SLC49A4: variants seen among roughly 807,000 people sequenced by gnomAD.
SLC49A4 encodes the protein solute carrier family 49 member 4.
Under a neutral mutation model 50.6 loss-of-function variants are expected in SLC49A4, and 36 were observed. The observed-to-expected ratio is 0.71, with a 90% confidence interval of 0.55 to 0.94. The LOEUF (loss-of-function observed/expected upper bound fraction) is 0.94. Among genes scored for constraint, SLC49A4 ranks in the 40% least tolerant of loss-of-function variants. SLC49A4 has a pLI of 0.00. For missense variants in SLC49A4, 503 were observed against 605.7 expected (o/e 0.83, Z 1.78); for synonymous variants, 248 against 241.2 (o/e 1.03, Z -0.26).
intron 5 of SLC49A4, among the ~76,000 whole-genome samples, chr3:122,848,799 T>C (rs1186108380): frequency 6.6e-6 from 1 of 152,198 alleles, no homozygotes; most frequent in East Asian, 1.9e-4. Flanking sequence ...AAACATTTAT[T>C]TTTTCTTTGT....
At chr3:122,798,936 T>G (rs1936091635) in intron 1 of SLC49A4, among the ~76,000 whole-genome samples, 1 of 152,082 alleles carries the variant, frequency 6.6e-6, no homozygotes, top group African/African-American at 2.4e-5. Context: ...TTGTGCTGCC[T>G]CACGCCCCAG....
Position 122,879,250 on chromosome 3 carries a change from T to C in SLC49A4, c.1322-13T>C. 1.9e-6 allele frequency: 3 copies of C among 1,600,906 alleles called. No individual in the cohort carries two copies. The highest frequency in any genetic ancestry group is 2.6e-6 in the Non-Finnish European group (3 of 1,168,154). Reference sequence around the variant, plus strand: ...CATGAATGTTTAAAACTGCATGTTTTTTTGTCTTACAGAGTTGTCTTGGTT... The same window carrying C: ...CATGAATGTTTAAAACTGCATGTTTCTTTGTCTTACAGAGTTGTCTTGGTT... On this transcript the variant is annotated splice_polypyrimidine_tract_variant and intron_variant, in intron 8 of 8. Coordinates refer to ENST00000261038, the MANE Select transcript of SLC49A4 (RefSeq NM_032839.3).
chr3:122,858,120 A>G (rs887217559), intron 6 of SLC49A4, among the ~76,000 whole-genome samples: 1 of 152,190 alleles, frequency 6.6e-6, no homozygotes, highest in Non-Finnish European at 1.5e-5. Flanking sequence ...GACATACATG[A>G]GTGCTTTGGG....
intron 2 of SLC49A4, among the ~76,000 whole-genome samples, chr3:122,818,127 T>G (rs1412944974): frequency 6.6e-6 from 1 of 152,206 alleles, no homozygotes; most frequent in African/African-American, 2.4e-5. Context: ...AGCAAATAAG[T>G]TGTTGGAAAC....
rs115758232 is a variant in SLC49A4, at chr3:122,826,738, C to A, written c.438-62C>A. 2,452 of 1,560,072 alleles carry A rather than the reference C, an allele frequency of 1.6e-3. 29 individuals carry two copies. The African/African-American group carries it at 0.028, about 18-fold the overall frequency. ...TTAAAAACTGCTGTTTGGCTCATTT[C>A]TTTTTGTCTTAGAAAATGCCTGTTT... On this transcript the variant is annotated intron_variant, in intron 2 of 8. Coordinates refer to ENST00000261038, the MANE Select transcript of SLC49A4 (RefSeq NM_032839.3).
intron 7 of SLC49A4, 39 bp from the exon 8 acceptor site, chr3:122,872,376 C>A: frequency 1.3e-6 from 2 of 1,531,278 alleles, no homozygotes; most frequent in South Asian, 1.2e-5. Context: ...GACTCACTGC[C>A]GCTAGTGTGA....
At chr3:122,800,656 A>C (rs1223338554) in intron 1 of SLC49A4, among the ~76,000 whole-genome samples, 10 of 152,230 alleles carry the variant, frequency 6.6e-5, no homozygotes, top group Non-Finnish European at 1.5e-5. Context: ...CCTCCAGGGC[A>C]CAGGTAGACA....
chr3:122,801,482 C>T (rs574661249), intron 1 of SLC49A4, among the ~76,000 whole-genome samples: 112 of 152,270 alleles, frequency 7.4e-4, no homozygotes, highest in African/African-American at 2.6e-3. Context: ...ATCCCAGCTA[C>T]TCGGGAGGCT....
At position 122,852,863 on chromosome 3, in the gene SLC49A4, G is replaced by A. The variant is rs115007863; in HGVS notation, c.943-3444G>A. Among the ~76,000 whole-genome samples the A allele has an allele frequency of 4.8e-3, 735 of 152,072 alleles. 8 individuals carry two copies. The East Asian group carries it at 0.049, about 10-fold the overall frequency. ...TAAAGGAAAATTGTCTCCAAATACC[G>A]TGCTTATCTCTTCAGATTATCTTCC... On this transcript the variant is annotated intron_variant, in intron 5 of 8. Coordinates refer to ENST00000261038, the MANE Select transcript of SLC49A4 (RefSeq NM_032839.3).
At chr3:122,815,401 T>A (rs1347102615) in intron 2 of SLC49A4, among the ~76,000 whole-genome samples, 1 of 152,180 alleles carries the variant, frequency 6.6e-6, no homozygotes, top group African/African-American at 2.4e-5. Context: ...TTTGTGTCAT[T>A]TCTAGCCATA....
intron 1 of SLC49A4, among the ~76,000 whole-genome samples, chr3:122,797,651 GTTA>G (rs1194370568): frequency 6.6e-6 from 1 of 152,150 alleles, no homozygotes; most frequent in Non-Finnish European, 1.5e-5. Context: ...TTTTCTTTGG[GTTA>G]TTGTTGTTTG....
chr3:122,825,384 C>T (rs146548054), intron 2 of SLC49A4, among the ~76,000 whole-genome samples: 10 of 152,022 alleles, frequency 6.6e-5, no homozygotes, highest in South Asian at 4.2e-4. Context: ...AAAATAATTC[C>T]CCTTACACAG....
chr3:122,795,248 T>A lies in SLC49A4; in HGVS notation c.56T>A (p.Leu19His). The A allele has an allele frequency of 7.4e-7, 1 of 1,347,446 alleles. No individual in the cohort carries two copies. Among genetic ancestry groups the A allele is most frequent in the Non-Finnish European group, 9.4e-7 (1 of 1,059,026 alleles). 83.5% of individuals were successfully genotyped at this position (1,347,446 alleles called of 1,614,324 possible). ...EERQPLLGPG[L>H]GPGLGASWRS... is the part of the protein sequence containing the mutation. ...AGGCAGCCGCTGCTGGGGCCCGGGC[T>A]CGGGCCTGGGCTGGGGGCCTCCTGG... Residue 19 changes from leucine to histidine, a missense_variant, in exon 1 of 9, where the codon CTC becomes CAC. Coordinates refer to ENST00000261038, the MANE Select transcript of SLC49A4 (RefSeq NM_032839.3).
intron 7 of SLC49A4, among the ~76,000 whole-genome samples, chr3:122,865,171 AAGT>A (rs371604166): frequency 1.8e-4 from 28 of 152,342 alleles, no homozygotes; most frequent in Non-Finnish European, 3.2e-4. Context: ...AAGGAAGAAA[AAGT>A]AGAATATGGA....
rs1017851462 is a variant in SLC49A4 at position 122,810,451 on chromosome 3, G to C, written c.437+3501G>C. The stretch of plus-strand genomic sequence containing the variant: ...TTGCAATGAGCGCTATTACTCTATA[G>C]TGTGAAATATTATTATATTGCTTTC... On this transcript the variant is annotated intron_variant, in intron 2 of 8. Coordinates refer to ENST00000261038, the MANE Select transcript of SLC49A4 (RefSeq NM_032839.3). 2.0e-5 allele frequency among the ~76,000 whole-genome samples: 3 copies of C among 152,152 alleles called. No homozygotes were observed. The East Asian group carries it at 5.8e-4, about 29-fold the overall frequency.
In SLC49A4 at chr3:122,833,427, A is replaced by G. The variant is rs1936634636; in HGVS notation, c.814A>G (p.Ser272Gly). 3.1e-6 allele frequency: 5 copies of G among 1,613,388 alleles called. No homozygotes were observed. The African/African-American group carries it at 4.0e-5, about 13-fold the overall frequency. ...AASQRLSYRR[S>G]VCRLLSNFRF... ...TAGCCAGCGGCTGAGTTATCGGAGA[A>G]GCGTTTGTAGATTATTAAGGTAAAT... Residue 272 changes from serine to glycine, a missense_variant, in exon 4 of 9, where the codon AGC (serine) becomes GGC (glycine). By Grantham distance (56) the Ser-to-Gly change is moderately conservative (BLOSUM62 0). Coordinates refer to ENST00000261038, the MANE Select transcript of SLC49A4 (RefSeq NM_032839.3).
intron 6 of SLC49A4, among the ~76,000 whole-genome samples, chr3:122,857,007 A>G (rs1201462099): frequency 6.6e-6 from 1 of 152,148 alleles, no homozygotes; most frequent in East Asian, 1.9e-4. Flanking sequence ...AGGTAATATA[A>G]TAATAAAGAC....
At chr3:122,808,390 TG>T in intron 2 of SLC49A4, among the ~76,000 whole-genome samples, 1 of 152,188 alleles carries the variant, frequency 6.6e-6, no homozygotes, top group Non-Finnish European at 1.5e-5. Context: ...AAAACCTAAC[TG>T]GGAAGATAAC....
At chr3:122,812,907 T>A (rs1393743685) in intron 2 of SLC49A4, among the ~76,000 whole-genome samples, 1 of 151,890 alleles carries the variant, frequency 6.6e-6, no homozygotes, top group Admixed American at 6.6e-5. Context: ...GAAAGATTTG[T>A]AAGAAAAGAT....
Sources: gnomAD v4.1 joint callset for allele counts (sites outside exome capture counted in the v4.1 genomes callset) on GRCh38, gnomAD v4.1.1 for gene constraint, MANE v1.5 for transcripts, NCBI Gene and HGNC (gene_info 2026-07-23, HGNC 2026-07-21) for gene names.